PPP2R3A: variants seen among roughly 807,000 people sequenced by gnomAD.
PPP2R3A encodes protein phosphatase 2 regulatory subunit B''alpha.
Under a neutral mutation model 106.9 loss-of-function variants are expected in PPP2R3A, and 80 were observed. The observed-to-expected ratio is 0.75, with a 90% confidence interval of 0.62 to 0.90. The LOEUF is 0.90. Ranked by LOEUF, PPP2R3A falls within the 40% of genes least tolerant of loss-of-function variation. The pLI is 0.00. For synonymous variants in PPP2R3A, 483 were observed against 468.3 expected (o/e 1.03, Z -0.41); for missense variants, 1,386 against 1,350.4 (o/e 1.03, Z -0.41).
intron 13 of PPP2R3A, among the ~76,000 whole-genome samples, chr3:136,116,309 C>T (rs1482607519): frequency 2.6e-5 from 4 of 152,104 alleles, no homozygotes; most frequent in Non-Finnish European, 5.9e-5. Flanking sequence ...TAAAGACCAT[C>T]GACACTACAA....
intron 1 of PPP2R3A, among the ~76,000 whole-genome samples, chr3:135,990,324 T>C (rs1933106723): frequency 1.3e-5 from 2 of 152,110 alleles, no homozygotes; most frequent in African/African-American, 4.8e-5. Context: ...AATGAACTTG[T>C]CAGGGAAGGG....
rs1933634779 is a variant in PPP2R3A at position 136,001,815 on chromosome 3, C to T, written c.317C>T (p.Thr106Ile). ...AAGAGAGGATCTACATTTCAGAATA[C>T]CTACAACTTAAAGGATATTGCAGGA... is the stretch of plus-strand genomic sequence containing the variant. ...RVKRGSTFQNTYNLKDIAGEA... is the reference protein window; with the variant it reads ...RVKRGSTFQNIYNLKDIAGEA... The change falls in exon 2 of 14, where the codon ACC (threonine) becomes ATC (isoleucine). Residue 106 changes from threonine (T) to isoleucine (I), a missense_variant. Thr to Ile is a moderately conservative substitution (Grantham distance 89). Transcript: ENST00000264977. The T allele has an allele frequency of 6.2e-7, 1 of 1,614,160 alleles. No homozygotes were observed. The highest frequency in any genetic ancestry group is 1.3e-5 in the African/African-American group (1 of 75,036).
chr3:136,028,555 A>C (rs373968243), intron 3 of PPP2R3A, among the ~76,000 whole-genome samples: 270 of 152,344 alleles, frequency 1.8e-3, no homozygotes, highest in Non-Finnish European at 3.3e-3. Flanking sequence ...TGCTGTTTCT[A>C]CATATGTCAT....
chr3:136,060,037 G>T lies in PPP2R3A; in HGVS notation c.2470-10441G>T, dbSNP rs142852435. 3.1e-3 allele frequency among the ~76,000 whole-genome samples: 465 copies of T among 152,248 alleles called. 3 individuals carry two copies. The highest frequency in any genetic ancestry group is 0.011 in the African/African-American group (445 of 41,548). On this transcript the variant is annotated intron_variant, in intron 5 of 13. Transcript: ENST00000264977. ...AGGAAAAATAACTAATAGTTAATGG[G>T]CCTAATACCTGGGTGATGAAATAAT... is the stretch of plus-strand genomic sequence containing the variant.
In PPP2R3A at chr3:136,143,722, C is replaced by T. The variant is rs566216349; in HGVS notation, c.3330-1321C>T. Among the ~76,000 whole-genome samples the T allele has an allele frequency of 1.3e-3, 191 of 152,226 alleles. 1 individual carries two copies. Among genetic ancestry groups the T allele is most frequent in the African/African-American group, 4.3e-3 (178 of 41,520 alleles). ...AGGAGAATCACTTGAACTTGGGAGG[C>T]AGAGGTTGCAATGAGCCAAGATGGC... is the stretch of plus-strand genomic sequence containing the variant. On this transcript the variant is annotated intron_variant, in intron 13 of 13. Transcript: ENST00000264977.
chr3:136,101,739 C>G (rs1056844405), intron 10 of PPP2R3A, among the ~76,000 whole-genome samples: 1 of 151,726 alleles, frequency 6.6e-6, no homozygotes, highest in Admixed American at 6.6e-5. Context: ...AATAATAGTT[C>G]TGAAAATAAA....
intron 10 of PPP2R3A, among the ~76,000 whole-genome samples, chr3:136,090,933 C>T (rs995636309): frequency 4.6e-5 from 7 of 152,152 alleles, no homozygotes; most frequent in Non-Finnish European, 7.3e-5. Flanking sequence ...AGTAAGCATT[C>T]ATGTGGAATA....
chr3:136,127,589 T>G (rs549924539), intron 13 of PPP2R3A, among the ~76,000 whole-genome samples: 7 of 152,282 alleles, frequency 4.6e-5, no homozygotes, highest in East Asian at 3.9e-4. Flanking sequence ...AAAACACTCT[T>G]CAGGATATTA....
At chr3:135,997,086 C>T (rs1016249553) in intron 1 of PPP2R3A, among the ~76,000 whole-genome samples, 1 of 152,172 alleles carries the variant, frequency 6.6e-6, no homozygotes, top group African/African-American at 2.4e-5. Flanking sequence ...TACACAAGCT[C>T]AAATATCTTC....
chr3:135,966,611 C>G (rs1051086198), intron 1 of PPP2R3A, among the ~76,000 whole-genome samples: 13 of 152,092 alleles, frequency 8.5e-5, no homozygotes, highest in Non-Finnish European at 1.9e-4. Context: ...TCCCGTTATT[C>G]CCAGTCCTCC....
At chr3:136,068,936 C>T (rs1358163869) in intron 5 of PPP2R3A, among the ~76,000 whole-genome samples, 2 of 152,134 alleles carry the variant, frequency 1.3e-5, no homozygotes, top group African/African-American at 4.8e-5. Context: ...AATGTGTAAC[C>T]TTAATCATGA....
At chr3:136,039,709 T>C (rs571026047) in intron 3 of PPP2R3A, among the ~76,000 whole-genome samples, 151 of 152,288 alleles carry the variant, frequency 9.9e-4, no homozygotes, top group African/African-American at 3.5e-3. Context: ...CCACGGACTG[T>C]TACCTCTCCA....
At chr3:136,014,084 T>C (rs1559869298) in intron 2 of PPP2R3A, among the ~76,000 whole-genome samples, 1 of 152,216 alleles carries the variant, frequency 6.6e-6, no homozygotes, top group Non-Finnish European at 1.5e-5. Flanking sequence ...CAGCACTATT[T>C]GTTGAATAGG....
intron 13 of PPP2R3A, among the ~76,000 whole-genome samples, chr3:136,125,673 C>T (rs892026816): frequency 6.6e-6 from 1 of 151,934 alleles, no homozygotes; most frequent in Non-Finnish European, 1.5e-5. Flanking sequence ...ATAGTGAGAC[C>T]CCATCCCTAT....
intron 13 of PPP2R3A, among the ~76,000 whole-genome samples, chr3:136,138,460 A>T (rs979220589): frequency 6.6e-5 from 10 of 152,316 alleles, no homozygotes; most frequent in African/African-American, 2.4e-4. Context: ...ACTTCCTGGG[A>T]CAGGAAAGCA....
Position 136,146,872 on chromosome 3 carries a change from A to C in PPP2R3A, c.*1706A>C, listed in dbSNP as rs1220054284. On this transcript the variant is annotated 3_prime_UTR_variant, in exon 14 of 14. Coordinates refer to ENST00000264977, the MANE Select transcript of PPP2R3A (RefSeq NM_002718.5). ...TTTCATTTCAGATAGAAATACAAAA[A>C]AAAAAAAAATACTTTTCTTAGAAGC... The C allele has an allele frequency of 6.6e-6, 1 of 152,204 alleles. No homozygotes were observed. Among genetic ancestry groups the C allele is most frequent in the Non-Finnish European group, 1.5e-5 (1 of 68,048 alleles). The allele number at this position is 152,204 out of a possible 1,614,324, so 9.4% of individuals were successfully genotyped here.
chr3:136,095,286 A>G (rs1327045798), intron 10 of PPP2R3A, among the ~76,000 whole-genome samples: 1 of 152,210 alleles, frequency 6.6e-6, no homozygotes, highest in African/African-American at 2.4e-5. Context: ...TTACCAACAA[A>G]GGTTTTTTGA....
chr3:136,045,116 C>G (rs1935427572), intron 4 of PPP2R3A, among the ~76,000 whole-genome samples: 1 of 152,210 alleles, frequency 6.6e-6, no homozygotes, highest in African/African-American at 2.4e-5. Context: ...CGTATCTGAT[C>G]CATGCACTCC....
intron 7 of PPP2R3A, 134 bp downstream of exon 7, chr3:136,078,587 C>A: frequency 1.6e-6 from 1 of 639,466 alleles, no homozygotes; most frequent in Non-Finnish European, 2.8e-6. Context: ...TATCAAATAC[C>A]TGTCGTGGGA....
Sources: allele counts gnomAD v4.1 joint callset (sites outside exome capture counted in the v4.1 genomes callset), GRCh38; gene constraint gnomAD v4.1.1; transcripts MANE v1.5; gene names NCBI Gene and HGNC (gene_info 2026-07-23, HGNC 2026-07-21).